CNTN5: variants seen among roughly 807,000 people sequenced by gnomAD.
CNTN5 encodes contactin 5, also known as contactin-5.
In CNTN5, 77 loss-of-function variants were observed where a neutral mutation model predicts 129.1. The ratio of observed to expected loss-of-function variants is 0.60; its 90% CI spans 0.50 to 0.72. CNTN5 has a LOEUF of 0.72. Ranked by LOEUF, CNTN5 falls within the 30% of genes least tolerant of loss-of-function variation. The probability of loss-of-function intolerance (pLI) is 0.00; values close to 1 mark genes in which losing one functional copy is unlikely to be tolerated. For missense variants in CNTN5, 1,478 were observed against 1,328.8 expected (o/e 1.11, Z -1.75); for synonymous variants, 509 against 465.6 (o/e 1.09, Z -1.20).
intron 1 of CNTN5, among the ~76,000 whole-genome samples, chr11:99,071,587 C>A (rs1865343571): frequency 6.6e-6 from 1 of 152,110 alleles, no homozygotes; most frequent in African/African-American, 2.4e-5. Context: ...ATATATCTAA[C>A]TTAAGTTTAG....
intron 1 of CNTN5, among the ~76,000 whole-genome samples, chr11:99,144,508 A>G (rs1859681128): frequency 6.6e-6 from 1 of 152,266 alleles, no homozygotes; most frequent in Non-Finnish European, 1.5e-5. Flanking sequence ...TGTTTCATCA[A>G]ACAGGTTTTC....
intron 2 of CNTN5, among the ~76,000 whole-genome samples, chr11:99,510,115 A>G (rs1031076509): frequency 4.6e-5 from 7 of 152,046 alleles, no homozygotes; most frequent in African/African-American, 1.4e-4. Flanking sequence ...ACTATCCAAT[A>G]TATTTTAGCC....
intron 1 of CNTN5, among the ~76,000 whole-genome samples, chr11:99,166,558 G>C (rs540494988): frequency 6.6e-6 from 1 of 152,180 alleles, no homozygotes; most frequent in South Asian, 2.1e-4. Flanking sequence ...GGGAGTAAAA[G>C]ACAACCTGAA....
intron 3 of CNTN5, among the ~76,000 whole-genome samples, chr11:99,594,446 A>G (rs1950066985): frequency 6.6e-6 from 1 of 152,166 alleles, no homozygotes. Flanking sequence ...CGTTTAGACC[A>G]TTGTGTAAGC....
In CNTN5 at chr11:99,775,425, G is replaced by A. The variant is rs191106110; in HGVS notation, c.56-44119G>A. ...CAGAATGAGTCTTCATGTCATTTTG[G>A]AAATGAAGGTTAATATCTAATCCAG... On this transcript the variant is annotated intron_variant, in intron 3 of 24. Coordinates refer to ENST00000524871, the MANE Select transcript of CNTN5 (RefSeq NM_014361.4). 2.8e-3 allele frequency among the ~76,000 whole-genome samples: 426 copies of A among 152,000 alleles called. 1 individual carries two copies. The highest frequency in any genetic ancestry group is 9.7e-3 in the African/African-American group (404 of 41,490).
At chr11:100,341,609 A>G (rs1952164572) in intron 23 of CNTN5, among the ~76,000 whole-genome samples, 1 of 151,954 alleles carries the variant, frequency 6.6e-6, no homozygotes, top group Non-Finnish European at 1.5e-5. Flanking sequence ...ACAGAAGAAC[A>G]AAAAAAATGT....
intron 8 of CNTN5, among the ~76,000 whole-genome samples, chr11:99,965,501 T>G (rs1023731416): frequency 6.6e-6 from 1 of 152,212 alleles, no homozygotes; most frequent in African/African-American, 2.4e-5. Flanking sequence ...GAGTTCTAGT[T>G]TGATTGCACT....
chr11:99,973,464 C>G (rs973186308), intron 8 of CNTN5, among the ~76,000 whole-genome samples: 3 of 152,080 alleles, frequency 2.0e-5, no homozygotes, highest in Non-Finnish European at 4.4e-5. Flanking sequence ...AATAAGAGAG[C>G]CTATTTTCCT....
chr11:99,550,412 T>C (rs1591264062), intron 2 of CNTN5, among the ~76,000 whole-genome samples: 1 of 152,298 alleles, frequency 6.6e-6, no homozygotes, highest in East Asian at 1.9e-4. Context: ...TTCAAGGATA[T>C]CTTGAAAGCA....
chr11:100,007,025 G>A (rs992659095), intron 9 of CNTN5, among the ~76,000 whole-genome samples: 1 of 152,046 alleles, frequency 6.6e-6, no homozygotes, highest in African/African-American at 2.4e-5. Context: ...CATTGTCAAT[G>A]GACAGTAGTA....
At chr11:99,584,836 G>GA (rs1949738721) in intron 3 of CNTN5, among the ~76,000 whole-genome samples, 1 of 152,188 alleles carries the variant, frequency 6.6e-6, no homozygotes, top group Non-Finnish European at 1.5e-5. Flanking sequence ...TTGAAAGAAA[G>GA]AACAACAGAC....
At chr11:100,151,405 G>T (rs1008264219) in intron 13 of CNTN5, among the ~76,000 whole-genome samples, 1 of 151,970 alleles carries the variant, frequency 6.6e-6, no homozygotes. Context: ...GAAGGGGTAG[G>T]GGGAGACAGA....
intron 3 of CNTN5, among the ~76,000 whole-genome samples, chr11:99,735,598 A>G (rs532930315): frequency 1.3e-5 from 2 of 152,350 alleles, no homozygotes; most frequent in East Asian, 3.9e-4. Context: ...TTTTAGTAGA[A>G]TAAGCCAAAT....
chr11:99,790,622 A>C (rs764317248), intron 3 of CNTN5, among the ~76,000 whole-genome samples: 1 of 152,086 alleles, frequency 6.6e-6, no homozygotes, highest in Non-Finnish European at 1.5e-5. Flanking sequence ...GAATATTGCT[A>C]TGATGAATAT....
In CNTN5 at chr11:100,344,502, G is replaced by A. The variant is rs532513495; in HGVS notation, c.3030+3297G>A. Among the ~76,000 whole-genome samples, 18 of 152,210 alleles carry A rather than the reference G, an allele frequency of 1.2e-4. No homozygotes were observed. In the South Asian group the frequency reaches 3.7e-3, roughly 32 times the overall value. On this transcript the variant is annotated intron_variant, in intron 23 of 24. Transcript: ENST00000524871. The stretch of plus-strand genomic sequence containing the variant: ...CAGAGGCCAGGAAGGGGAAAGGAGA[G>A]TGAGGAACAAAGAGAGCTTAATCCA...
At chr11:99,523,531 G>A (rs972109199) in intron 2 of CNTN5, among the ~76,000 whole-genome samples, 1 of 151,960 alleles carries the variant, frequency 6.6e-6, no homozygotes, top group Non-Finnish European at 1.5e-5. Flanking sequence ...GGCGATGGAG[G>A]TAGCTGTGAG....
intron 2 of CNTN5, among the ~76,000 whole-genome samples, chr11:99,511,174 G>C (rs921338125): frequency 6.6e-6 from 1 of 152,046 alleles, no homozygotes; most frequent in African/African-American, 2.4e-5. Context: ...TCTCTTGTGA[G>C]CATTTAGTGC....
chr11:99,268,251 T>C (rs1007722464), intron 1 of CNTN5, among the ~76,000 whole-genome samples: 1 of 151,982 alleles, frequency 6.6e-6, no homozygotes, highest in Admixed American at 6.6e-5. Context: ...TAGAAGCCAA[T>C]GGCTTGGACT....
Position 99,560,581 on chromosome 11 carries a change from G to A in CNTN5, c.55+4312G>A, listed in dbSNP as rs536117269. On this transcript the variant is annotated intron_variant, in intron 3 of 24. Transcript: ENST00000524871. ...GCTGGGATAACAGGCGTGAGCCACC[G>A]CGCCCAGCCTGTATTATTAATAGGA... Among the ~76,000 whole-genome samples the A allele has an allele frequency of 1.3e-4, 20 of 152,184 alleles. No homozygotes were observed. The South Asian group carries it at 2.7e-3, about 21-fold the overall frequency.
Sources: gnomAD v4.1 joint callset for allele counts (sites outside exome capture counted in the v4.1 genomes callset) on GRCh38, gnomAD v4.1.1 for gene constraint, MANE v1.5 for transcripts, NCBI Gene and HGNC (gene_info 2026-07-23, HGNC 2026-07-21) for gene names.